Variants in ZNF614 observed in about 807,000 individuals in gnomAD.
ZNF614 encodes the protein zinc finger protein 614.
ZNF614 carries 11 observed loss-of-function variants against 12.8 expected under a neutral mutation model. The observed-to-expected ratio is 0.86, with a 90% confidence interval of 0.54 to 1.43. The LOEUF is 1.43. ZNF614 is among the 40% of genes most tolerant of loss of function. The pLI, the probability that ZNF614 is intolerant of heterozygous loss-of-function variation, is 0.00. For missense variants in ZNF614, 664 were observed against 708.8 expected, an observed-to-expected ratio of 0.94 and a Z score of 0.72; for synonymous variants, 237 against 237.5, an observed-to-expected ratio of 1.00 and a Z score of 0.02.
chr19:52,023,532 A>G (rs1165900782), intron 2 of ZNF614, among the ~76,000 whole-genome samples: 1 of 152,122 alleles, frequency 6.6e-6, no homozygotes, highest in African/African-American at 2.4e-5. Context: ...TCTGGGGACC[A>G]GTCTCATCCT....
In ZNF614 at chr19:52,028,313, TTCAGACGCGCTCCTG is replaced by T. The variant is rs2086989433; in HGVS notation, c.-303_-289del. On this transcript the variant is annotated 5_prime_UTR_variant, in exon 1 of 5. Transcript: ENST00000270649. ...CATCCACGTCCGAAAACGCTTCCTA[TTCAGACGCGCTCCTG>T]CGCGGACTCCGGGAAGCTGAGCGGT... The T allele has an allele frequency of 6.6e-6, 1 of 152,390 alleles. No homozygotes were observed. The highest frequency in any genetic ancestry group is 2.1e-4 in the South Asian group (1 of 4,836). The allele number at this position is 152,390 out of a possible 1,614,324, so 9.4% of individuals were successfully genotyped here.
chr19:52,023,136 G>A (rs1380602516), intron 2 of ZNF614, among the ~76,000 whole-genome samples: 7 of 148,970 alleles, frequency 4.7e-5, no homozygotes, highest in South Asian at 4.2e-4. Context: ...GCGACAGAGC[G>A]AGACTCTGTC....
Position 52,016,947 on chromosome 19 carries a change from C to A in ZNF614, c.651G>T (p.Lys217Asn). 6.2e-7 allele frequency: 1 copy of A among 1,613,822 alleles called. No homozygotes were observed. ...CIECEQTFLR[K>N]SQLIYHENIC... ...TGTTCTCATGGTAAATGAGCTGAGACTTCCTAAGGAAGGTTTGCTCACATT... is the reference window on the plus strand; with the variant it reads ...TGTTCTCATGGTAAATGAGCTGAGAATTCCTAAGGAAGGTTTGCTCACATT... Residue 217 changes from lysine to asparagine, a missense_variant, in exon 5 of 5, where the codon AAG (lysine) becomes AAT (asparagine). Coordinates refer to ENST00000270649, the MANE Select transcript of ZNF614 (RefSeq NM_025040.4).
At position 52,014,236 on chromosome 19, in the gene ZNF614, A is replaced by G. The variant is rs1425713321; in HGVS notation, c.*1604T>C. 1.3e-5 allele frequency: 2 copies of G among 152,190 alleles called. No individual in the cohort carries two copies. Among genetic ancestry groups the G allele is most frequent in the Non-Finnish European group, 1.5e-5 (1 of 68,040 alleles). The allele number at this position is 152,190 out of a possible 1,614,324, so 9.4% of individuals were successfully genotyped here. A position where few individuals can be genotyped will look rare whatever the true frequency, so the allele number is the denominator to read the frequency against. ...TTCTCCCACACCAATTGGGTGTTCT[A>G]CAATTCAATTCTGAACAACTGGGTG... On this transcript the variant is annotated 3_prime_UTR_variant, in exon 5 of 5. Transcript: ENST00000270649.
At position 52,025,725 on chromosome 19, in the gene ZNF614, T is replaced by C. The variant is rs1409652025; in HGVS notation, c.15+6A>G. 1.2e-6 allele frequency: 2 copies of C among 1,613,962 alleles called. No individual in the cohort carries two copies. The highest frequency in any genetic ancestry group is 1.7e-6 in the Non-Finnish European group (2 of 1,179,928). ...ATCTATCAAAAAATCAAAGGGAAAA[T>C]ATCACCTGGGTCTTGATCATTTTCT... On this transcript the variant is annotated splice_donor_region_variant and intron_variant, in intron 2 of 4. Transcript: ENST00000270649.
intron 2 of ZNF614, among the ~76,000 whole-genome samples, chr19:52,019,349 T>C (rs935488574): frequency 5.3e-5 from 8 of 152,194 alleles, no homozygotes; most frequent in Non-Finnish European, 4.4e-5. Context: ...AGACCTAGTG[T>C]ATGCCCACTT....
At position 52,015,928 on chromosome 19, in the gene ZNF614, T is replaced by C. The variant is rs750032179; in HGVS notation, c.1670A>G (p.His557Arg). Residue 557 changes from histidine (H) to arginine (R), a missense_variant, in exon 5 of 5, where the codon CAT becomes CGT. Physicochemically the swap from His to Arg is conservative, Grantham distance 29 (BLOSUM62 0). Transcript: ENST00000270649. The part of the protein sequence containing the change: ...AFSHLSNLVK[H>R]KKMHTREMGR... The stretch of plus-strand genomic sequence containing the variant: ...CATTTCTCTTGTGTGCATTTTCTTA[T>C]GTTTGACAAGGTTTGATAAGTGGGA... 16 of 1,614,120 alleles carry C rather than the reference T, an allele frequency of 9.9e-6. No individual in the cohort carries two copies. The highest frequency in any genetic ancestry group is 6.7e-5 in the East Asian group (3 of 44,906).
At position 52,023,173 on chromosome 19, in the gene ZNF614, A is replaced by T. The variant is rs868581359; in HGVS notation, c.15+2558T>A. Among the ~76,000 whole-genome samples, 457 of 141,472 alleles carry T rather than the reference A, an allele frequency of 3.2e-3. 2 individuals are homozygous for T. Among genetic ancestry groups the T allele is most frequent in the African/African-American group, 0.011 (403 of 38,098 alleles). 92.8% of individuals were successfully genotyped at this position (141,472 alleles called of 152,430 possible). On this transcript the variant is annotated intron_variant, in intron 2 of 4. Transcript: ENST00000270649. ...CAAAACAATAATAATAATAAATAAAATTTTTTTTTTTTTGAGATGGAGTAT... is the reference window on the plus strand; with the variant it reads ...CAAAACAATAATAATAATAAATAAATTTTTTTTTTTTTTGAGATGGAGTAT...
intron 2 of ZNF614, 38 bp downstream of exon 2, chr19:52,025,693 A>G: frequency 6.2e-7 from 1 of 1,611,890 alleles, no homozygotes; most frequent in Non-Finnish European, 8.5e-7. Flanking sequence ...TCTTCAGGCC[A>G]CCATAAATCT....
At chr19:52,021,656 T>C (rs1402773799) in intron 2 of ZNF614, among the ~76,000 whole-genome samples, 2 of 151,668 alleles carry the variant, frequency 1.3e-5, no homozygotes, top group African/African-American at 2.4e-5. Context: ...GGCAGGCAGA[T>C]GGTGGTTGAG....
At position 52,017,364 on chromosome 19, in the gene ZNF614, G is replaced by A. The variant is rs759258904; in HGVS notation, c.239-5C>T. Reference sequence around the variant, plus strand: ...GACTGTCAACTTTCCCGATTCCTAAGAAAGAACAGAGTAACAAATTCTTCC... The same window carrying A: ...GACTGTCAACTTTCCCGATTCCTAAAAAAGAACAGAGTAACAAATTCTTCC... On this transcript the variant is annotated splice_region_variant and splice_polypyrimidine_tract_variant and intron_variant, in intron 4 of 4. Transcript: ENST00000270649. 1.9e-6 allele frequency: 3 copies of A among 1,581,614 alleles called. No individual in the cohort carries two copies. In the Admixed American group the frequency reaches 5.4e-5, roughly 29 times the overall value.
At chr19:52,023,431 C>T (rs1273055203) in intron 2 of ZNF614, among the ~76,000 whole-genome samples, 1 of 152,094 alleles carries the variant, frequency 6.6e-6, no homozygotes, top group Non-Finnish European at 1.5e-5. Flanking sequence ...CAGGCGCGAG[C>T]CCCCATGCCC....
chr19:52,026,682 A>C (rs1247633011), intron 1 of ZNF614, among the ~76,000 whole-genome samples: 1 of 152,160 alleles, frequency 6.6e-6, no homozygotes, highest in Non-Finnish European at 1.5e-5. Flanking sequence ...TTTGCGGTTG[A>C]GATAAGAGAA....
chr19:52,017,141 T>G lies in ZNF614; in HGVS notation c.457A>C (p.Asn153His), dbSNP rs1194153762. The G allele has an allele frequency of 1.2e-6, 2 of 1,614,210 alleles. No individual in the cohort carries two copies. The highest frequency in any genetic ancestry group is 2.2e-5 in the South Asian group (2 of 91,088). The part of the protein sequence containing the change: ...LINQKRRHGI[N>H]NPVEFIGGEK... ...CCTCCAATAAACTCAACAGGGTTAT[T>G]TATTCCATGTCTTCTCTTCTGGTTG... The change falls in exon 5 of 5, where the codon AAT becomes CAT. Residue 153 changes from asparagine to histidine, a missense_variant. By Grantham distance (68) the Asn-to-His change is moderately conservative. Transcript: ENST00000270649.
At position 52,016,741 on chromosome 19, in the gene ZNF614, G is replaced by T. The variant is rs772450490; in HGVS notation, c.857C>A (p.Ser286Tyr). ...CTTTCCACACTCACTGCACATATAGGATTTCTCTTCTGTATGGGTTTGTTG... is the reference window on the plus strand; with the variant it reads ...CTTTCCACACTCACTGCACATATAGTATTTCTCTTCTGTATGGGTTTGTTG... ...THQQTHTEEK[S>Y]YMCSECGKGF... is the part of the protein sequence containing the mutation. The change falls in exon 5 of 5, where the codon TCC becomes TAC. Residue 286 changes from serine to tyrosine, a missense_variant. Transcript: ENST00000270649. 1 of 1,614,138 alleles carries T rather than the reference G, an allele frequency of 6.2e-7. No individual in the cohort carries two copies. The highest frequency in any genetic ancestry group is 1.1e-5 in the South Asian group (1 of 91,084).
chr19:52,024,495 A>G (rs924369117), intron 2 of ZNF614, among the ~76,000 whole-genome samples: 1 of 152,148 alleles, frequency 6.6e-6, no homozygotes, highest in Non-Finnish European at 1.5e-5. Flanking sequence ...GGGGAAAAGA[A>G]AGAGAGATCA....
chr19:52,019,188 T>C lies in ZNF614; in HGVS notation c.16-694A>G, dbSNP rs565168087. On this transcript the variant is annotated intron_variant, in intron 2 of 4. Transcript: ENST00000270649. The stretch of plus-strand genomic sequence containing the variant: ...TCTAACAGAAAAACATATATACATA[T>C]GTGTATTAATGGACAGATTAACAGC... Among the ~76,000 whole-genome samples the C allele has an allele frequency of 3.9e-5, 6 of 152,132 alleles. No homozygotes were observed. The East Asian group carries it at 9.6e-4, about 24-fold the overall frequency.
At position 52,016,669 on chromosome 19, in the gene ZNF614, C is replaced by G; in HGVS notation, c.929G>C (p.Ser310Thr). The change falls in exon 5 of 5, where the codon AGT (serine) becomes ACT (threonine). Residue 310 changes from serine (S) to threonine (T), a missense_variant. Physicochemically the swap from Ser to Thr is moderately conservative, Grantham distance 58 (BLOSUM62 1). Transcript: ENST00000270649. Reference sequence around the variant, plus strand: ...TTTGCACACATAAGGTTTCTCTCCACTATGAGTTCGCTGATGAGCAATTAG... The same window carrying G: ...TTTGCACACATAAGGTTTCTCTCCAGTATGAGTTCGCTGATGAGCAATTAG... ...RYLIAHQRTH[S>T]GEKPYVCKEC... 6.2e-7 allele frequency: 1 copy of G among 1,613,968 alleles called. No individual in the cohort carries two copies. Among genetic ancestry groups the G allele is most frequent in the East Asian group, 2.2e-5 (1 of 44,854 alleles).
In ZNF614 at chr19:52,016,498, C is replaced by A. The variant is rs746600943; in HGVS notation, c.1100G>T (p.Gly367Val). 6.2e-7 allele frequency: 1 copy of A among 1,614,020 alleles called. No individual in the cohort carries two copies. Among genetic ancestry groups the A allele is most frequent in the Admixed American group, 1.7e-5 (1 of 60,022 alleles). ...TTCACTGCACATATAGGGTTTCTCT[C>A]CAGTATGAGTTCGCTGATGTACAAC... is the stretch of plus-strand genomic sequence containing the variant. ...YLVVHQRTHT[G>V]EKPYMCSECG... The change falls in exon 5 of 5, where the codon GGA becomes GTA. Residue 367 changes from glycine to valine, a missense_variant. By Grantham distance (109) the Gly-to-Val change is moderately radical (BLOSUM62 -3). Coordinates refer to ENST00000270649, the MANE Select transcript of ZNF614 (RefSeq NM_025040.4).
Sources: gnomAD v4.1 joint callset for allele counts (sites outside exome capture counted in the v4.1 genomes callset) on GRCh38, gnomAD v4.1.1 for gene constraint, MANE v1.5 for transcripts, NCBI Gene and HGNC (gene_info 2026-07-23, HGNC 2026-07-21) for gene names.